Variants in DSCAML1 observed in about 807,000 individuals in gnomAD.
DSCAML1 encodes the protein DS cell adhesion molecule like 1, also known as cell adhesion molecule DSCAML1.
DSCAML1 carries 38 observed loss-of-function variants against 200.5 expected under a neutral mutation model. That is an observed-to-expected ratio of 0.19 (90% confidence interval 0.15 to 0.25). The LOEUF is 0.25. Ranked by LOEUF, DSCAML1 falls within the 10% of genes least tolerant of loss-of-function variation. The pLI, the probability that DSCAML1 is intolerant of heterozygous loss-of-function variation, is 1.00. For missense variants in DSCAML1, 2,223 were observed against 2,858.8 expected, an observed-to-expected ratio of 0.78 and a Z score of 5.07; for synonymous variants, 1,215 against 1,165.0, an observed-to-expected ratio of 1.04 and a Z score of -0.87.
In DSCAML1 at chr11:117,525,080, G is replaced by A. The variant is rs756149264; in HGVS notation, c.662C>T (p.Pro221Leu). The A allele has an allele frequency of 1.9e-6, 3 of 1,544,584 alleles. No homozygotes were observed. Among genetic ancestry groups the A allele is most frequent in the South Asian group, 2.4e-5 (2 of 82,120 alleles). ...SNGARLSVTD[P>L]AESIPTILDG... ...CAGGATGGTGGGGATCGACTCAGCA[G>A]GGTCTGGAAGGCAGAGAGGGTCGGC... The change falls in exon 5 of 33, where the codon CCT becomes CTT. Residue 221 changes from proline (P) to leucine (L), a missense_variant. Physicochemically the swap from Pro to Leu is moderately conservative, Grantham distance 98. Coordinates refer to ENST00000651296, the MANE Select transcript of DSCAML1 (RefSeq NM_020693.4).
intron 3 of DSCAML1, among the ~76,000 whole-genome samples, chr11:117,603,022 G>A (rs971210284): frequency 6.6e-6 from 1 of 152,194 alleles, no homozygotes; most frequent in Admixed American, 6.5e-5. Context: ...TTTGAGCCCA[G>A]AGGGCAGAGG....
chr11:117,793,195 A>G (rs1481581542), intron 1 of DSCAML1, among the ~76,000 whole-genome samples: 1 of 152,090 alleles, frequency 6.6e-6, no homozygotes, highest in Non-Finnish European at 1.5e-5. Flanking sequence ...GGTTCCTGGC[A>G]CCCTGCCATC....
In DSCAML1 at chr11:117,449,635, G is replaced by A. The variant is rs534893603; in HGVS notation, c.3708+914C>T. Among the ~76,000 whole-genome samples, 6 of 152,146 alleles carry A rather than the reference G, an allele frequency of 3.9e-5. No homozygotes were observed. In the South Asian group the frequency reaches 1.2e-3, roughly 32 times the overall value. On this transcript the variant is annotated intron_variant, in intron 20 of 32. Transcript: ENST00000651296. Reference sequence around the variant, plus strand: ...GCTCCTGCTTCTGCTCCTTGCTTCCGTTCCTTGCTTCCAGCCCTGGGCACA... The same window carrying A: ...GCTCCTGCTTCTGCTCCTTGCTTCCATTCCTTGCTTCCAGCCCTGGGCACA...
intron 11 of DSCAML1, among the ~76,000 whole-genome samples, chr11:117,487,082 G>A (rs71480338): frequency 2.0e-5 from 3 of 151,424 alleles, no homozygotes; most frequent in Admixed American, 6.6e-5. Context: ...GTACCACTAC[G>A]CCTGGCTAAT....
intron 1 of DSCAML1, among the ~76,000 whole-genome samples, chr11:117,791,336 T>A (rs2055463065): frequency 6.6e-6 from 1 of 152,166 alleles, no homozygotes; most frequent in African/African-American, 2.4e-5. Context: ...TAGAGGTTCA[T>A]CTCAGCAGGG....
chr11:117,788,715 C>T (rs900152640), intron 1 of DSCAML1, among the ~76,000 whole-genome samples: 1 of 152,130 alleles, frequency 6.6e-6, no homozygotes, highest in African/African-American at 2.4e-5. Context: ...TTACAACAGC[C>T]CTTGGATGTA....
At chr11:117,608,942 G>A (rs929275350) in intron 3 of DSCAML1, among the ~76,000 whole-genome samples, 5 of 151,944 alleles carry the variant, frequency 3.3e-5, no homozygotes, top group South Asian at 4.2e-4. Flanking sequence ...TGAGGTGGGC[G>A]GATCACTTGA....
intron 3 of DSCAML1, among the ~76,000 whole-genome samples, chr11:117,730,026 C>CT (rs1163525263): frequency 2.0e-5 from 3 of 152,184 alleles, no homozygotes; most frequent in Non-Finnish European, 4.4e-5. Context: ...TGGTGAAACT[C>CT]TATCTCTACT....
Position 117,493,179 on chromosome 11 carries a change from C to T in DSCAML1, c.2359+10666G>A, listed in dbSNP as rs182498430. 4.6e-3 allele frequency among the ~76,000 whole-genome samples: 695 copies of T among 152,304 alleles called. 8 individuals carry two copies. The highest frequency in any genetic ancestry group is 0.016 in the African/African-American group (650 of 41,556). ...GGGGTCCAGTTGAGGCCCTCAAACT[C>T]GCCAGGCCTTACTTTGTCCAGCTTT... On this transcript the variant is annotated intron_variant, in intron 11 of 32. Transcript: ENST00000651296.
At chr11:117,529,202 C>G (rs953196584) in intron 4 of DSCAML1, among the ~76,000 whole-genome samples, 1 of 152,070 alleles carries the variant, frequency 6.6e-6, no homozygotes, top group Non-Finnish European at 1.5e-5. Context: ...CTCCGCCTCC[C>G]GAGTAGCTGG....
chr11:117,809,130 CGTTGGGAAT>C (rs1397108923), intron 1 of DSCAML1, among the ~76,000 whole-genome samples: 1 of 152,222 alleles, frequency 6.6e-6, no homozygotes, highest in Non-Finnish European at 1.5e-5. Flanking sequence ...CTTCCAGATC[CGTTGGGAAT>C]GCCTCAGATT....
At chr11:117,447,922 A>G (rs2048212572) in intron 20 of DSCAML1, among the ~76,000 whole-genome samples, 1 of 152,364 alleles carries the variant, frequency 6.6e-6, no homozygotes, top group African/African-American at 2.4e-5. Flanking sequence ...CAAAGTGATC[A>G]CGTCACACAC....
intron 3 of DSCAML1, among the ~76,000 whole-genome samples, chr11:117,714,499 C>T (rs2053911272): frequency 6.6e-6 from 1 of 152,006 alleles, no homozygotes; most frequent in Admixed American, 6.5e-5. Context: ...TTGCCATTAC[C>T]CACATGAAGA....
In DSCAML1 at chr11:117,693,028, G is replaced by C. The variant is rs142819878; in HGVS notation, c.511+83763C>G. ...AGTCCCTCCAAAAGTGTGATGCTTA[G>C]AACTGGAGCCTGGGCTCTGATGTGG... On this transcript the variant is annotated intron_variant, in intron 3 of 32. Transcript: ENST00000651296. Among the ~76,000 whole-genome samples the C allele has an allele frequency of 1.4e-4, 22 of 152,304 alleles. No individual in the cohort carries two copies. In the East Asian group the frequency reaches 3.9e-3, roughly 27 times the overall value.
intron 3 of DSCAML1, among the ~76,000 whole-genome samples, chr11:117,595,501 A>C (rs1454113500): frequency 1.3e-5 from 2 of 152,136 alleles, no homozygotes; most frequent in African/African-American, 4.8e-5. Context: ...TGCATCCTCA[A>C]ATCATCTTCA....
At chr11:117,572,548 G>A (rs2050864257) in intron 3 of DSCAML1, among the ~76,000 whole-genome samples, 1 of 152,186 alleles carries the variant, frequency 6.6e-6, no homozygotes, top group Non-Finnish European at 1.5e-5. Context: ...TAGTGAAGGA[G>A]TGTATCCTCC....
In DSCAML1 at chr11:117,498,714, C is replaced by T. The variant is rs539464627; in HGVS notation, c.2359+5131G>A. ...GCCCGAGGGCTTCCTTTGCTAGGCCCGCCCCCTCCATTTCTCAAGTCCCCA... is the reference window on the plus strand; with the variant it reads ...GCCCGAGGGCTTCCTTTGCTAGGCCTGCCCCCTCCATTTCTCAAGTCCCCA... On this transcript the variant is annotated intron_variant, in intron 11 of 32. Transcript: ENST00000651296. The surrounding 1 kb of genome is among the most constrained non-coding windows in gnomAD (Gnocchi z 4.0). Among the ~76,000 whole-genome samples, 16 of 152,290 alleles carry T rather than the reference C, an allele frequency of 1.1e-4. No individual in the cohort carries two copies. In the Middle Eastern group the frequency reaches 0.017, roughly 162 times the overall value.
intron 14 of DSCAML1, among the ~76,000 whole-genome samples, chr11:117,473,342 C>T (rs2048724104): frequency 6.6e-6 from 1 of 151,908 alleles, no homozygotes; most frequent in Non-Finnish European, 1.5e-5. Context: ...ACTAAAAATA[C>T]AAAAATTAGC....
chr11:117,795,418 G>A (rs960174780), intron 1 of DSCAML1, among the ~76,000 whole-genome samples: 4 of 152,170 alleles, frequency 2.6e-5, no homozygotes, highest in Admixed American at 2.0e-4. Context: ...GGGGCGGAGG[G>A]AGGCAGGAAG....
Sources: gnomAD v4.1 joint callset for allele counts (sites outside exome capture counted in the v4.1 genomes callset) on GRCh38, gnomAD v4.1.1 for gene constraint, Gnocchi (gnomAD v3.1) non-coding constraint, MANE v1.5 for transcripts, NCBI Gene and HGNC (gene_info 2026-07-23, HGNC 2026-07-21) for gene names.